Variants in PRTG observed in about 807,000 individuals in gnomAD.
PRTG encodes the protein immunoglobulin superfamily, DCC subclass, member 5.
PRTG carries 67 observed loss-of-function variants against 122.5 expected under a neutral mutation model. That is an observed-to-expected ratio of 0.55 (90% CI 0.45 to 0.67). The LOEUF (loss-of-function observed/expected upper bound fraction) is 0.67, where lower values mean the gene tolerates loss of function less well. Among genes scored for constraint, PRTG ranks in the 30% least tolerant of loss-of-function variants. PRTG has a pLI of 0.00. For missense variants in PRTG, 1,435 were observed against 1,415.4 expected, an observed-to-expected ratio of 1.01 and a Z score of -0.22; for synonymous variants, 554 against 501.1, an observed-to-expected ratio of 1.11 and a Z score of -1.41.
intron 16 of PRTG, among the ~76,000 whole-genome samples, chr15:55,628,108 CTCTT>C (rs899361396): frequency 2.0e-5 from 3 of 152,176 alleles, no homozygotes; most frequent in Non-Finnish European, 2.9e-5. Flanking sequence ...CTCTCTCATT[CTCTT>C]TCTAACACAC....
At chr15:55,698,526 T>C (rs1163132753) in intron 2 of PRTG, among the ~76,000 whole-genome samples, 1 of 152,024 alleles carries the variant, frequency 6.6e-6, no homozygotes, top group Non-Finnish European at 1.5e-5. Flanking sequence ...TGTGAGATCA[T>C]GCAATCCTCC....
chr15:55,624,230 A>C, intron 18 of PRTG, 112 bp downstream of exon 18: 1 of 825,942 alleles, frequency 1.2e-6, no homozygotes, highest in East Asian at 2.7e-5. Flanking sequence ...TTTCATTAAT[A>C]AGAGTATTGG....
intron 2 of PRTG, among the ~76,000 whole-genome samples, chr15:55,717,756 A>G (rs12908232): frequency 0.36 from 54,707 of 152,174 alleles, 12,674 homozygotes; most frequent in Non-Finnish European, 0.52. Context: ...ATACATAAAA[A>G]GTGTCCAGCA....
chr15:55,693,615 C>T (rs951131488), intron 2 of PRTG, among the ~76,000 whole-genome samples: 1 of 152,174 alleles, frequency 6.6e-6, no homozygotes, highest in Non-Finnish European at 1.5e-5. Context: ...AAAATCCATA[C>T]ATCTGAGTTA....
chr15:55,691,296 CA>C (rs59129695), intron 2 of PRTG, among the ~76,000 whole-genome samples: 14,382 of 82,902 alleles, frequency 0.17, 666 homozygotes, highest in Middle Eastern at 0.28. Flanking sequence ...AACTCTGTTT[CA>C]AAAAAAAAAA....
intron 12 of PRTG, among the ~76,000 whole-genome samples, chr15:55,640,683 T>C (rs1426534260): frequency 6.6e-6 from 1 of 152,148 alleles, no homozygotes; most frequent in Admixed American, 6.5e-5. Flanking sequence ...ATTCAATATA[T>C]CTTACTTAAA....
chr15:55,709,236 G>A (rs553682543), intron 2 of PRTG, among the ~76,000 whole-genome samples: 10 of 142,778 alleles, frequency 7.0e-5, no homozygotes, highest in Admixed American at 4.3e-4. Context: ...CTTTATGGCC[G>A]TAATTATGAG....
In PRTG at chr15:55,673,426, C is replaced by G; in HGVS notation, c.1797G>C (p.Leu599=). 6.2e-7 allele frequency: 1 copy of G among 1,614,182 alleles called. No homozygotes were observed. Among genetic ancestry groups the G allele is most frequent in the Non-Finnish European group, 8.5e-7 (1 of 1,180,016 alleles). Residue 599 remains leucine (L), a synonymous_variant, in exon 10 of 20, where the codon CTG becomes CTC. Transcript: ENST00000389286. ...GTGAAGTCCATACTGATGACTCTCC[C>G]AGCCCCACTCTGGTGGCAGCAGTAA... ...VRITAATRVG[L]GESSVWTSHR...
intron 15 of PRTG, among the ~76,000 whole-genome samples, chr15:55,629,971 C>T (rs1268321981): frequency 1.3e-5 from 2 of 151,156 alleles, no homozygotes; most frequent in South Asian, 4.2e-4. Flanking sequence ...GCACCCACCA[C>T]CACACCAGGT....
At chr15:55,682,217 T>C in intron 4 of PRTG, 147 bp downstream of exon 4, 1 of 585,572 alleles carries the variant, frequency 1.7e-6, no homozygotes, top group Non-Finnish European at 2.6e-6. Context: ...AAGAGTTGCT[T>C]AATAACTAAA....
At chr15:55,728,502 AGAT>A (rs1291664886) in intron 2 of PRTG, among the ~76,000 whole-genome samples, 2 of 150,848 alleles carry the variant, frequency 1.3e-5, no homozygotes, top group African/African-American at 4.8e-5. Context: ...CAAACAAAAA[AGAT>A]GATTAGCACA....
At chr15:55,722,458 G>A (rs1416376747) in intron 2 of PRTG, among the ~76,000 whole-genome samples, 2 of 152,168 alleles carry the variant, frequency 1.3e-5, no homozygotes, top group Non-Finnish European at 2.9e-5. Context: ...CAATCAGCCA[G>A]TAAGAATTTT....
chr15:55,682,475 C>T lies in PRTG; in HGVS notation c.565G>A (p.Val189Ile), dbSNP rs766655981. The T allele has an allele frequency of 6.4e-7, 1 of 1,572,224 alleles. No homozygotes were observed. The change falls in exon 4 of 20, where the codon GTA (valine) becomes ATA (isoleucine). Residue 189 changes from valine (V) to isoleucine (I), a missense_variant. Coordinates refer to ENST00000389286, the MANE Select transcript of PRTG (RefSeq NM_173814.6). ...TGGCTGACATCATAGATCTGCAATA[C>T]TCCTGTTGGTAGGGCAGTTATCCTG... is the stretch of plus-strand genomic sequence containing the variant. ...MDRITALPTG[V>I]LQIYDVSQRD...
chr15:55,639,852 T>G, intron 12 of PRTG, 24 bp from the exon 13 acceptor site: 3 of 1,611,852 alleles, frequency 1.9e-6, no homozygotes, highest in Admixed American at 1.7e-5. Flanking sequence ...CAATGTTAAT[T>G]TACGATACGA....
chr15:55,729,986 T>TA (rs1319660006), intron 2 of PRTG, among the ~76,000 whole-genome samples: 2 of 152,262 alleles, frequency 1.3e-5, no homozygotes, highest in Admixed American at 6.5e-5. Flanking sequence ...CAATTTATTT[T>TA]AAAAATCACC....
chr15:55,656,052 T>A, intron 11 of PRTG: 1 of 176,406 alleles, frequency 5.7e-6, no homozygotes, highest in Non-Finnish European at 1.2e-5. Context: ...ACTGTGACAT[T>A]TTCCCCCTAA....
At chr15:55,678,172 A>G (rs2059514384) in intron 7 of PRTG, 128 bp from the exon 8 acceptor site, 2 of 624,476 alleles carry the variant, frequency 3.2e-6, no homozygotes, top group Admixed American at 3.0e-5. Flanking sequence ...AAGCATTTGT[A>G]GAACACTGCA....
chr15:55,620,915 A>C (rs1567071301), intron 18 of PRTG, 148 bp from the exon 19 acceptor site: 1 of 721,010 alleles, frequency 1.4e-6, no homozygotes, highest in African/African-American at 1.8e-5. Flanking sequence ...GTACATGTGC[A>C]TGTTTGTTAC....
chr15:55,684,762 C>G (rs73408332), intron 2 of PRTG, among the ~76,000 whole-genome samples: 1 of 152,012 alleles, frequency 6.6e-6, no homozygotes, highest in Non-Finnish European at 1.5e-5. Context: ...TCTTATGCCA[C>G]AGACATATCA....
Sources: gnomAD v4.1 joint callset for allele counts (sites outside exome capture counted in the v4.1 genomes callset) on GRCh38, gnomAD v4.1.1 for gene constraint, MANE v1.5 for transcripts, NCBI Gene and HGNC (gene_info 2026-07-23, HGNC 2026-07-21) for gene names.